Variants in SOS1 observed in about 807,000 individuals in gnomAD.
SOS1 encodes SOS Ras/Rac guanine nucleotide exchange factor 1.
SOS1 carries 25 observed loss-of-function variants against 157.6 expected under a neutral mutation model. The ratio of observed to expected loss-of-function variants is 0.16; its 90% CI spans 0.12 to 0.22. SOS1 has a LOEUF of 0.22. SOS1 is among the 10% of genes least tolerant of loss of function. The pLI, the probability that SOS1 is intolerant of heterozygous loss-of-function variation, is 1.00. For missense variants in SOS1, 1,237 were observed against 1,599.1 expected (o/e 0.77, Z 3.86); for synonymous variants, 528 against 534.0 (o/e 0.99, Z 0.16).
chr2:39,077,454 A>T (rs1404351289), intron 1 of SOS1, among the ~76,000 whole-genome samples: 1 of 152,196 alleles, frequency 6.6e-6, no homozygotes, highest in East Asian at 1.9e-4. Context: ...TATACTCTAA[A>T]CATTATAATT....
At chr2:39,115,155 A>G (rs764041518) in intron 1 of SOS1, among the ~76,000 whole-genome samples, 1 of 152,152 alleles carries the variant, frequency 6.6e-6, no homozygotes, top group Non-Finnish European at 1.5e-5. Flanking sequence ...TAAACTGCAC[A>G]TATTTAAAAT....
Position 38,997,191 on chromosome 2 carries a change from C to G in SOS1, c.2964+62G>C, listed in dbSNP as rs530650084. ...TTTTCTCCCCTATAAAATAAACCTG[C>G]CTTTTATTAAGTAGTTTAGAAACTT... On this transcript the variant is annotated intron_variant, in intron 18 of 22. Coordinates refer to ENST00000402219, the MANE Select transcript of SOS1 (RefSeq NM_005633.4). The G allele has an allele frequency of 7.4e-6, 10 of 1,342,424 alleles. No individual in the cohort carries two copies. The African/African-American group carries it at 1.5e-4, about 20-fold the overall frequency. The allele number at this position is 1,342,424 out of a possible 1,614,324, so 83.2% of individuals were successfully genotyped here.
chr2:39,061,305 A>G (rs1671393653), intron 2 of SOS1, among the ~76,000 whole-genome samples: 1 of 150,742 alleles, frequency 6.6e-6, no homozygotes, highest in South Asian at 2.1e-4. Flanking sequence ...TACTGAAGGA[A>G]TTACTTTATT....
upstream of SOS1, chr2:39,124,147 T>G (rs1219941498): frequency 1.3e-5 from 2 of 152,308 alleles, no homozygotes; most frequent in Admixed American, 1.3e-4. Context: ...CCATCACCCC[T>G]GTACTGCTTG....
chr2:39,086,317 G>C (rs567950616), intron 1 of SOS1, among the ~76,000 whole-genome samples: 1 of 152,282 alleles, frequency 6.6e-6, no homozygotes, highest in African/African-American at 2.4e-5. Context: ...AAATGAAATG[G>C]AGTTAGGTAG....
rs1292758653 is a variant in SOS1, at chr2:39,046,495, C to CTCT, written c.864+4648_864+4649insAGA. ...TTATTTATTTATTTTGAGACAGTGT[C>CTCT]TTTTTTTTTTTTTTTTTTTTTTTTT... On this transcript the variant is annotated intron_variant, in intron 6 of 22. Coordinates refer to ENST00000402219, the MANE Select transcript of SOS1 (RefSeq NM_005633.4). 3.2e-3 allele frequency among the ~76,000 whole-genome samples: 392 copies of CTCT among 124,400 alleles called. 9 individuals carry two copies. The highest frequency in any genetic ancestry group is 0.012 in the African/African-American group (374 of 30,272). 81.6% of individuals were successfully genotyped at this position (124,400 alleles called of 152,430 possible).
intron 1 of SOS1, among the ~76,000 whole-genome samples, chr2:39,109,211 T>C (rs766782391): frequency 3.3e-5 from 5 of 152,006 alleles, no homozygotes; most frequent in Non-Finnish European, 5.9e-5. Context: ...AAAAATAAAA[T>C]AATAAAATGA....
intron 20 of SOS1, chr2:38,993,541 T>C (rs1668797056): frequency 6.6e-6 from 1 of 152,162 alleles, no homozygotes; most frequent in Admixed American, 6.5e-5. Context: ...AATAAACAAA[T>C]AGGATTCTGG....
At chr2:39,067,264 T>A (rs890955977) in intron 2 of SOS1, among the ~76,000 whole-genome samples, 3 of 152,138 alleles carry the variant, frequency 2.0e-5, no homozygotes, top group Non-Finnish European at 4.4e-5. Flanking sequence ...TTCTTCTGCT[T>A]TGGCCTCCCA....
chr2:39,050,722 C>T (rs1249291589), intron 6 of SOS1, among the ~76,000 whole-genome samples: 1 of 152,108 alleles, frequency 6.6e-6, no homozygotes, highest in Non-Finnish European at 1.5e-5. Flanking sequence ...TCTTATTTTA[C>T]AAATAAAGAT....
At chr2:39,086,358 T>C (rs558937372) in intron 1 of SOS1, among the ~76,000 whole-genome samples, 1 of 152,156 alleles carries the variant, frequency 6.6e-6, no homozygotes, top group African/African-American at 2.4e-5. Flanking sequence ...TACAGGTGCA[T>C]ATACTAGGAT....
chr2:39,104,145 G>T (rs1016810815), intron 1 of SOS1, among the ~76,000 whole-genome samples: 3 of 152,070 alleles, frequency 2.0e-5, no homozygotes, highest in Admixed American at 1.3e-4. Context: ...AGCCAGGCAT[G>T]GTGGTAGGTG....
In SOS1 at chr2:39,022,939, G is replaced by A; in HGVS notation, c.1489C>T (p.Arg497Ter). 6.2e-7 allele frequency: 1 copy of A among 1,613,166 alleles called. No individual in the cohort carries two copies. Among genetic ancestry groups the A allele is most frequent in the Non-Finnish European group, 8.5e-7 (1 of 1,179,466 alleles). The change falls in exon 10 of 23, where the codon CGA becomes TGA. Residue 497 changes from arginine (R) to a stop codon, truncating the protein, a stop_gained. Coordinates refer to ENST00000402219, the MANE Select transcript of SOS1 (RefSeq NM_005633.4). LOFTEE classifies it high-confidence loss of function. Reference protein sequence around the residue: ...EYRLKEKFFMRKVQINDKDDT... With the variant: ...EYRLKEKFFM ...TCTTTATCATTAATTTGTACCTTTC[G>A]CATAAAAAACTTTTCTTTAAGACGA...
At chr2:38,995,712 T>G (rs1436038116) in intron 19 of SOS1, among the ~76,000 whole-genome samples, 1 of 152,210 alleles carries the variant, frequency 6.6e-6, no homozygotes, top group Non-Finnish European at 1.5e-5. Flanking sequence ...TAAAACAGAC[T>G]ATTTTGAGCA....
At chr2:39,028,911 A>C (rs1176497120) in intron 8 of SOS1, among the ~76,000 whole-genome samples, 1 of 152,226 alleles carries the variant, frequency 6.6e-6, no homozygotes, top group Admixed American at 6.5e-5. Context: ...ACCACAGTGG[A>C]TTACAACATA....
At chr2:39,019,941 A>AT (rs913066463) in intron 10 of SOS1, among the ~76,000 whole-genome samples, 8 of 151,328 alleles carry the variant, frequency 5.3e-5, no homozygotes, top group East Asian at 1.9e-4. Context: ...TAATTTATTT[A>AT]TTTTTTTTGA....
chr2:39,096,324 A>G (rs186087080), intron 1 of SOS1, among the ~76,000 whole-genome samples: 2 of 152,310 alleles, frequency 1.3e-5, no homozygotes, highest in Admixed American at 6.5e-5. Context: ...TCAATTTTAC[A>G]TAAGTTTATT....
Position 38,983,766 on chromosome 2 carries a change from CATG to C in SOS1, c.*2055_*2057del, listed in dbSNP as rs1004573197. The C allele has an allele frequency of 3.3e-5, 5 of 152,144 alleles. No individual in the cohort carries two copies. The highest frequency in any genetic ancestry group is 6.5e-5 in the Admixed American group (1 of 15,274). The allele number at this position is 152,144 out of a possible 1,614,324, so 9.4% of individuals were successfully genotyped here. A position where few individuals can be genotyped will look rare whatever the true frequency, so the allele number is the denominator to read the frequency against. On this transcript the variant is annotated 3_prime_UTR_variant, in exon 23 of 23. Coordinates refer to ENST00000402219, the MANE Select transcript of SOS1 (RefSeq NM_005633.4). ...TCCAGGGAGATTCTGGACTGTCTAT[CATG>C]ATTAGTTGTAGCGGCTCTAGTAAGT...
At chr2:39,069,860 T>G (rs1054049075) in intron 1 of SOS1, among the ~76,000 whole-genome samples, 3 of 152,204 alleles carry the variant, frequency 2.0e-5, no homozygotes, top group African/African-American at 7.2e-5. Flanking sequence ...AAACAAATTT[T>G]TTTAACAATT....
Sources: allele counts gnomAD v4.1 joint callset (sites outside exome capture counted in the v4.1 genomes callset), GRCh38; gene constraint gnomAD v4.1.1; transcripts MANE v1.5; gene names NCBI Gene and HGNC (gene_info 2026-07-23, HGNC 2026-07-21).